Variants in USP35 observed in about 807,000 individuals in gnomAD.
USP35 encodes ubiquitin carboxyl-terminal hydrolase 35.
USP35 carries 69 observed loss-of-function variants against 83.8 expected under a neutral mutation model. The ratio of observed to expected loss-of-function variants is 0.82; its 90% CI spans 0.68 to 1.01. The LOEUF (loss-of-function observed/expected upper bound fraction) is 1.01, where lower values mean the gene tolerates loss of function less well. Among genes scored for constraint, USP35 ranks in the 50% least tolerant of loss-of-function variants. USP35 has a pLI of 0.00. For missense variants in USP35, 1,503 were observed against 1,362.5 expected (o/e 1.10, Z -1.62); for synonymous variants, 714 against 589.5 (o/e 1.21, Z -3.06).
chr11:78,224,994 G>A, the USP35 span: 1 of 675,938 alleles, frequency 1.5e-6, no homozygotes, highest in Non-Finnish European at 2.6e-6. Context: ...ACTTGGGCAG[G>A]GTCCTAAGAT....
In USP35 at chr11:78,214,377, T is replaced by TGGGGGGGGGGGGGGGGG. The variant is rs139748612; in HGVS notation, c.*564_*565insGGGGGGGGGGGGGGGGG. The TGGGGGGGGGGGGGGGGG allele has an allele frequency of 1.9e-5, 1 of 52,906 alleles. No homozygotes were observed. Among genetic ancestry groups the TGGGGGGGGGGGGGGGGG allele is most frequent in the Non-Finnish European group, 4.5e-5 (1 of 22,400 alleles). 3.3% of individuals were successfully genotyped at this position (52,906 alleles called of 1,614,324 possible). ...CCTTACCAAGCGCCACTGCATGGTT[T>TGGGGGGGGGGGGGGGGG]TGGGGGGGGGGGCGGGGGGCTAGCT... On this transcript the variant is annotated 3_prime_UTR_variant, in exon 11 of 11. Transcript: ENST00000529308.
chr11:78,195,473 C>T (rs559709215), intron 1 of USP35, among the ~76,000 whole-genome samples: 28 of 152,220 alleles, frequency 1.8e-4, no homozygotes, highest in African/African-American at 5.8e-4. Flanking sequence ...ATTCTGGGAC[C>T]TCTGTCGGTT....
In USP35 at chr11:78,196,923, G is replaced by A. The variant is rs1467449364; in HGVS notation, c.673+5G>A. The A allele has an allele frequency of 2.8e-6, 4 of 1,444,496 alleles. No individual in the cohort carries two copies. Among genetic ancestry groups the A allele is most frequent in the East Asian group, 2.6e-5 (1 of 37,966 alleles). 89.5% of individuals were successfully genotyped at this position (1,444,496 alleles called of 1,614,324 possible). On this transcript the variant is annotated splice_donor_5th_base_variant and intron_variant, in intron 2 of 10. Transcript: ENST00000529308. The surrounding 1 kb of genome is among the most constrained non-coding windows in gnomAD (Gnocchi z 4.8). ...TCGCAGTCATCTCCTGCGCAGGTGC[G>A]TGTGCGGCCGGGGCAGGAGCGCGGG... is the stretch of plus-strand genomic sequence containing the variant.
rs1346520060 is a variant in USP35 at position 78,210,034 on chromosome 11, G to C, written c.2179G>C (p.Ala727Pro). The C allele has an allele frequency of 1.2e-6, 2 of 1,613,826 alleles. No individual in the cohort carries two copies. Among genetic ancestry groups the C allele is most frequent in the Non-Finnish European group, 8.5e-7 (1 of 1,179,870 alleles). The change falls in exon 10 of 11, where the codon GCT (alanine) becomes CCT (proline). Residue 727 changes from alanine (A) to proline (P), a missense_variant. Coordinates refer to ENST00000529308, the MANE Select transcript of USP35 (RefSeq NM_020798.4). The part of the protein sequence containing the change: ...EKVEKETEKE[A>P]EQEKEEDSLG... Reference sequence around the variant, plus strand: ...GGTGGAGAAGGAGACAGAAAAGGAGGCTGAGCAGGAAAAGGAAGAAGACAG... The same window carrying C: ...GGTGGAGAAGGAGACAGAAAAGGAGCCTGAGCAGGAAAAGGAAGAAGACAG...
chr11:78,194,456 G>T (rs188955507), intron 1 of USP35, among the ~76,000 whole-genome samples: 11 of 152,326 alleles, frequency 7.2e-5, no homozygotes, highest in Admixed American at 7.2e-4. Flanking sequence ...TCAGGCATAA[G>T]AGTAGTTTTT....
At chr11:78,226,413 C>T in the USP35 span, 1 of 1,390,800 alleles carries the variant, frequency 7.2e-7, no homozygotes, top group South Asian at 1.2e-5. Flanking sequence ...CTATTGAGAA[C>T]CCCTGTGTTA....
rs1277652990 is a variant in USP35, at chr11:78,209,773, C to G, written c.1918C>G (p.Pro640Ala). 2 of 1,613,848 alleles carry G rather than the reference C, an allele frequency of 1.2e-6. No individual in the cohort carries two copies. The highest frequency in any genetic ancestry group is 3.3e-5 in the Admixed American group (2 of 59,986). Residue 640 changes from proline to alanine, a missense_variant, in exon 10 of 11, where the codon CCT (proline) becomes GCT (alanine). Physicochemically the swap from Pro to Ala is conservative, Grantham distance 27. Coordinates refer to ENST00000529308, the MANE Select transcript of USP35 (RefSeq NM_020798.4). ...TGCACAGGGGCCAGGCAGGGTGGGT[C>G]CTCGGAGGCAAAGGAAACACTGCAT... ...TSAQGPGRVG[P>A]RRQRKHCITE... is the part of the protein sequence containing the mutation.
At chr11:78,227,131 T>C in the USP35 span, 258 of 968,022 alleles carry the variant, frequency 2.7e-4, no homozygotes, top group Non-Finnish European at 3.7e-4. Flanking sequence ...ACTTTCTCTT[T>C]CTATACTTTG....
At chr11:78,223,097 C>G in the USP35 span, among the ~76,000 whole-genome samples, 1 of 152,296 alleles carries the variant, frequency 6.6e-6, no homozygotes, top group Non-Finnish European at 1.5e-5. Context: ...TGAATCCTTG[C>G]CACTGATCCA....
the USP35 span, among the ~76,000 whole-genome samples, chr11:78,227,939 T>C: frequency 1.3e-5 from 2 of 152,216 alleles, no homozygotes; most frequent in African/African-American, 2.4e-5. Flanking sequence ...GAAATCTATA[T>C]GAAGAATGGT....
chr11:78,196,450 G>C lies in USP35; in HGVS notation c.205G>C (p.Gly69Arg). 7.9e-7 allele frequency: 1 copy of C among 1,266,284 alleles called. No individual in the cohort carries two copies. The highest frequency in any genetic ancestry group is 2.2e-5 in the South Asian group (1 of 45,762). 78.4% of individuals were successfully genotyped at this position (1,266,284 alleles called of 1,614,324 possible). ...GGGCTGCCAGCTGCTGCACGTGGCC[G>C]GCCGCCACCACCCCGACGTCTTCGC... Reference protein sequence around the residue: ...RVGCQLLHVAGRHHPDVFAEF... With the variant: ...RVGCQLLHVARRHHPDVFAEF... The change falls in exon 2 of 11, where the codon GGC becomes CGC. Residue 69 changes from glycine (G) to arginine (R), a missense_variant. Gly to Arg is a moderately radical substitution (Grantham distance 125). Transcript: ENST00000529308. This position sits in a 1 kb window ranked among gnomAD's most constrained non-coding sequence, Gnocchi z 4.8.
At chr11:78,200,007 C>G (rs1327200113) in intron 4 of USP35, 126 bp from the exon 5 acceptor site, 1 of 1,061,206 alleles carries the variant, frequency 9.4e-7, no homozygotes, top group Non-Finnish European at 1.4e-6. Flanking sequence ...CTGTGAGCAC[C>G]TCAGTGTTGA....
rs189007239 is a variant in USP35, at chr11:78,203,821, A to C, written c.1198-2021A>C. Reference sequence around the variant, plus strand: ...TCTCGATCTTCTGATCTTGTGATCCAGCCATCTCGACTTCCCAAAGTATTG... The same window carrying C: ...TCTCGATCTTCTGATCTTGTGATCCCGCCATCTCGACTTCCCAAAGTATTG... On this transcript the variant is annotated intron_variant, in intron 6 of 10. Coordinates refer to ENST00000529308, the MANE Select transcript of USP35 (RefSeq NM_020798.4). 5.5e-3 allele frequency among the ~76,000 whole-genome samples: 823 copies of C among 150,092 alleles called. 9 individuals are homozygous for C. The highest frequency in any genetic ancestry group is 0.019 in the African/African-American group (787 of 40,912).
In USP35 at chr11:78,214,713, A is replaced by C. The variant is rs2450133; in HGVS notation, c.*900A>C. Reference sequence around the variant, plus strand: ...AAATAAAAGTAAGCCTAAGCAAGAGATTGTTCTTCCTTGGACTCAGGGGCT... The same window carrying C: ...AAATAAAAGTAAGCCTAAGCAAGAGCTTGTTCTTCCTTGGACTCAGGGGCT... On this transcript the variant is annotated 3_prime_UTR_variant, in exon 11 of 11. Coordinates refer to ENST00000529308, the MANE Select transcript of USP35 (RefSeq NM_020798.4). The C allele has an allele frequency of 0.2, 30,085 of 152,030 alleles. 3,214 individuals are homozygous for C. Among genetic ancestry groups the C allele is most frequent in the East Asian group, 0.4 (2,078 of 5,190 alleles). The allele number at this position is 152,030 out of a possible 1,614,324, so 9.4% of individuals were successfully genotyped here. A position where few individuals can be genotyped will look rare whatever the true frequency, so the allele number is the denominator to read the frequency against.
intron 8 of USP35, 41 bp from the exon 9 acceptor site, chr11:78,208,816 C>T (rs776747263): frequency 4.4e-6 from 7 of 1,608,144 alleles, no homozygotes; most frequent in Non-Finnish European, 5.1e-6. Flanking sequence ...TGGTGAGTGG[C>T]CTCCTGCTCC....
the USP35 span, chr11:78,226,720 C>A: frequency 6.2e-7 from 1 of 1,613,848 alleles, no homozygotes; most frequent in Admixed American, 1.7e-5. Context: ...AGTGGGGTGG[C>A]CGGAACATCC....
the USP35 span, chr11:78,223,665 C>A: frequency 6.3e-7 from 1 of 1,599,772 alleles, no homozygotes; most frequent in Non-Finnish European, 8.5e-7. Flanking sequence ...GGCCCACAAT[C>A]ATTTTCCCTG....
At chr11:78,212,717 C>T (rs1466831294) in intron 10 of USP35, among the ~76,000 whole-genome samples, 3 of 152,178 alleles carry the variant, frequency 2.0e-5, no homozygotes, top group Non-Finnish European at 4.4e-5. Context: ...GGAATGCTAG[C>T]AATTTTTGCA....
At chr11:78,219,144 G>A, downstream of USP35, 1 of 879,540 alleles carries the variant, frequency 1.1e-6, no homozygotes, top group Non-Finnish European at 1.8e-6. Context: ...GATGTCAAGT[G>A]CTTTGAAGGC....
Sources: gnomAD v4.1 joint callset for allele counts (sites outside exome capture counted in the v4.1 genomes callset) on GRCh38, gnomAD v4.1.1 for gene constraint, Gnocchi (gnomAD v3.1) non-coding constraint, MANE v1.5 for transcripts, NCBI Gene and HGNC (gene_info 2026-07-23, HGNC 2026-07-21) for gene names.